SGCZ: variants seen among roughly 807,000 people sequenced by gnomAD.
SGCZ encodes the protein zeta-sarcoglycan.
SGCZ carries 40 observed loss-of-function variants against 41.3 expected under a neutral mutation model. That is an observed-to-expected ratio of 0.97 (90% confidence interval 0.75 to 1.26). The LOEUF is 1.26. Among genes scored for constraint, SGCZ ranks in the 50% most tolerant of loss-of-function variants. SGCZ has a pLI of 0.00. For missense variants in SGCZ, 552 were observed against 369.8 expected, an observed-to-expected ratio of 1.49 and a Z score of -4.04; for synonymous variants, 206 against 137.5, an observed-to-expected ratio of 1.50 and a Z score of -3.49.
intron 7 of SGCZ, among the ~76,000 whole-genome samples, chr8:14,097,933 C>G (rs554180382): frequency 1.3e-5 from 2 of 151,878 alleles, no homozygotes; most frequent in South Asian, 4.2e-4. Flanking sequence ...ATTTGACTCT[C>G]CCATTGCAGT....
chr8:15,213,598 G>C lies in SGCZ; in HGVS notation c.39+23987C>G, dbSNP rs1460866450. 3.3e-5 allele frequency among the ~76,000 whole-genome samples: 5 copies of C among 151,474 alleles called. No homozygotes were observed. The East Asian group carries it at 5.8e-4, about 18-fold the overall frequency. ...AAACAAATCCTAATTGCTTTTATAA[G>C]ATATCTAAAGTGCCACATTCCTACA... On this transcript the variant is annotated intron_variant, in intron 1 of 7. Transcript: ENST00000382080.
chr8:14,454,631 A>T (rs187345329), intron 2 of SGCZ, among the ~76,000 whole-genome samples: 2 of 152,296 alleles, frequency 1.3e-5, no homozygotes, highest in African/African-American at 4.8e-5. Flanking sequence ...ATTTGCCCTA[A>T]AAGGTAAAAA....
chr8:14,768,228 T>A (rs1409464710), intron 1 of SGCZ, among the ~76,000 whole-genome samples: 1 of 152,232 alleles, frequency 6.6e-6, no homozygotes, highest in Non-Finnish European at 1.5e-5. Flanking sequence ...ACATATAGTC[T>A]CCTAACATTC....
intron 2 of SGCZ, among the ~76,000 whole-genome samples, chr8:14,363,837 A>G (rs1480427245): frequency 6.6e-6 from 1 of 152,198 alleles, no homozygotes; most frequent in African/African-American, 2.4e-5. Flanking sequence ...CATTTTTCCA[A>G]CATTGCTCAT....
intron 2 of SGCZ, among the ~76,000 whole-genome samples, chr8:14,372,831 G>C (rs553392475): frequency 1.5e-4 from 23 of 152,218 alleles, no homozygotes; most frequent in African/African-American, 5.3e-4. Flanking sequence ...AGACCCGTGA[G>C]GTGATGAGAC....
chr8:15,227,281 G>A (rs759112010), intron 1 of SGCZ, among the ~76,000 whole-genome samples: 8 of 152,124 alleles, frequency 5.3e-5, no homozygotes, highest in East Asian at 3.9e-4. Context: ...TGTTTTTCTC[G>A]TGGCATACAC....
intron 1 of SGCZ, among the ~76,000 whole-genome samples, chr8:14,566,482 A>G (rs1279841955): frequency 6.6e-6 from 1 of 152,232 alleles, no homozygotes; most frequent in Non-Finnish European, 1.5e-5. Flanking sequence ...TAGAGACCAT[A>G]CAAGAGACAA....
intron 1 of SGCZ, among the ~76,000 whole-genome samples, chr8:14,924,418 G>T (rs925838666): frequency 6.6e-6 from 1 of 152,086 alleles, no homozygotes; most frequent in African/African-American, 2.4e-5. Flanking sequence ...GATTTCAAAT[G>T]TCAACTATAA....
chr8:14,994,302 G>T (rs895633617), intron 1 of SGCZ, among the ~76,000 whole-genome samples: 1 of 152,114 alleles, frequency 6.6e-6, no homozygotes, highest in Non-Finnish European at 1.5e-5. Flanking sequence ...TGCATGAGGG[G>T]GCTGGGCATG....
At chr8:14,361,393 T>C (rs1405370481) in intron 2 of SGCZ, among the ~76,000 whole-genome samples, 2 of 152,196 alleles carry the variant, frequency 1.3e-5, no homozygotes, top group Non-Finnish European at 2.9e-5. Flanking sequence ...CACTCTTTTT[T>C]CTCTAATCTT....
intron 1 of SGCZ, among the ~76,000 whole-genome samples, chr8:14,624,560 T>TATTTA (rs1563161367): frequency 9.1e-5 from 8 of 88,032 alleles, no homozygotes; most frequent in African/African-American, 2.9e-4. Context: ...TTATTATTTT[T>TATTTA]TTTTTTTTTT....
chr8:15,071,985 T>C (rs1232978477), intron 1 of SGCZ, among the ~76,000 whole-genome samples: 6 of 152,118 alleles, frequency 3.9e-5, no homozygotes, highest in African/African-American at 1.4e-4. Context: ...GGGAACGACT[T>C]GCACCCAGCT....
intron 1 of SGCZ, among the ~76,000 whole-genome samples, chr8:14,981,052 T>C (rs1056189995): frequency 1.3e-5 from 2 of 152,194 alleles, no homozygotes; most frequent in African/African-American, 4.8e-5. Context: ...CTTAATTAAA[T>C]ATGGCTTGTA....
chr8:15,208,246 C>G (rs1053365026), intron 1 of SGCZ, among the ~76,000 whole-genome samples: 5 of 152,110 alleles, frequency 3.3e-5, no homozygotes, highest in African/African-American at 1.2e-4. Flanking sequence ...TCATCAGAAC[C>G]AGGCTAGTGA....
intron 1 of SGCZ, among the ~76,000 whole-genome samples, chr8:14,955,316 G>T (rs1800757950): frequency 6.6e-6 from 1 of 152,152 alleles, no homozygotes; most frequent in Non-Finnish European, 1.5e-5. Flanking sequence ...TTAGTCCATT[G>T]TATAAGCCTA....
At chr8:14,575,398 T>A (rs1000819606) in intron 1 of SGCZ, among the ~76,000 whole-genome samples, 5 of 152,174 alleles carry the variant, frequency 3.3e-5, no homozygotes, top group African/African-American at 1.2e-4. Flanking sequence ...TACCATCACT[T>A]TGAAGAGAAA....
intron 3 of SGCZ, among the ~76,000 whole-genome samples, chr8:14,304,520 G>C (rs1204699994): frequency 6.6e-6 from 1 of 152,148 alleles, no homozygotes; most frequent in Non-Finnish European, 1.5e-5. Context: ...CTTGAGACCA[G>C]CGGTCAAGGC....
At chr8:14,683,966 T>C (rs957912163) in intron 1 of SGCZ, among the ~76,000 whole-genome samples, 1 of 152,188 alleles carries the variant, frequency 6.6e-6, no homozygotes, top group Non-Finnish European at 1.5e-5. Flanking sequence ...ATGTGTTTCA[T>C]CTCACAATCC....
intron 4 of SGCZ, among the ~76,000 whole-genome samples, chr8:14,172,594 G>C (rs181932573): frequency 6.6e-6 from 1 of 152,148 alleles, no homozygotes; most frequent in Non-Finnish European, 1.5e-5. Context: ...TTGTCTTTCA[G>C]ATATTAGACA....
Sources: allele counts gnomAD v4.1 joint callset (sites outside exome capture counted in the v4.1 genomes callset), GRCh38; gene constraint gnomAD v4.1.1; transcripts MANE v1.5; gene names NCBI Gene and HGNC (gene_info 2026-07-23, HGNC 2026-07-21).